The following CNTNAP5 variants were observed in gnomAD, a reference collection of about 807,000 sequenced individuals.
The protein encoded by CNTNAP5 is contactin associated protein family member 5.
Under a neutral mutation model 150.2 loss-of-function variants are expected in CNTNAP5, and 72 were observed. The observed-to-expected ratio is 0.48, with a 90% CI of 0.40 to 0.58. The LOEUF is 0.58. Among genes scored for constraint, CNTNAP5 ranks in the 20% least tolerant of loss-of-function variants. The probability of loss-of-function intolerance (pLI) is 0.00; values close to 1 mark genes in which losing one functional copy is unlikely to be tolerated. For missense variants in CNTNAP5, 1,636 were observed against 1,626.2 expected (o/e 1.01, Z -0.10); for synonymous variants, 672 against 619.8 (o/e 1.08, Z -1.25).
chr2:124,399,242 G>T (rs1159968216), intron 3 of CNTNAP5, among the ~76,000 whole-genome samples: 1 of 152,136 alleles, frequency 6.6e-6, no homozygotes, highest in East Asian at 1.9e-4. Context: ...GAGTGAAGAA[G>T]AGAGGAGGAG....
chr2:124,913,728 A>T (rs926596333), intron 23 of CNTNAP5, among the ~76,000 whole-genome samples: 18 of 152,096 alleles, frequency 1.2e-4, no homozygotes, highest in African/African-American at 4.3e-4. Flanking sequence ...TGACAAAAAA[A>T]TGGGCTAATT....
At chr2:124,804,534 T>G (rs1682041032) in intron 19 of CNTNAP5, among the ~76,000 whole-genome samples, 1 of 152,248 alleles carries the variant, frequency 6.6e-6, no homozygotes, top group East Asian at 1.9e-4. Context: ...TTAGGTTAAA[T>G]GAAATTATAA....
At chr2:124,396,327 G>A (rs932288116) in intron 3 of CNTNAP5, among the ~76,000 whole-genome samples, 20 of 152,130 alleles carry the variant, frequency 1.3e-4, no homozygotes, top group Non-Finnish European at 2.4e-4. Context: ...TTTATCCAGC[G>A]TTAATTCCCT....
At chr2:124,100,681 C>T (rs796428624) in intron 1 of CNTNAP5, among the ~76,000 whole-genome samples, 40 of 149,968 alleles carry the variant, frequency 2.7e-4, no homozygotes, top group African/African-American at 9.1e-4. Flanking sequence ...GCCTAGCCAA[C>T]ATAGCAAAGC....
intron 3 of CNTNAP5, among the ~76,000 whole-genome samples, chr2:124,332,017 CATAAAATTTTTATGATTCATCCTTT>C (rs1265369552): frequency 6.6e-6 from 1 of 151,936 alleles, no homozygotes; most frequent in East Asian, 1.9e-4. Context: ...ATTGATTACA[CATAAAATTTTTATGATTCATCCTTT>C]ATAAAATTTT....
chr2:124,526,926 A>T (rs1306548127), intron 9 of CNTNAP5, among the ~76,000 whole-genome samples: 2 of 152,208 alleles, frequency 1.3e-5, no homozygotes, highest in Non-Finnish European at 2.9e-5. Flanking sequence ...TCAAGACAGA[A>T]CCAAAATTCT....
At chr2:124,143,942 A>T (rs1038195240) in intron 1 of CNTNAP5, among the ~76,000 whole-genome samples, 1 of 148,672 alleles carries the variant, frequency 6.7e-6, no homozygotes, top group Admixed American at 6.7e-5. Context: ...ACTTCAGCAA[A>T]GTCTCAGGAT....
chr2:124,235,890 T>C (rs950355923), intron 2 of CNTNAP5, among the ~76,000 whole-genome samples: 1 of 152,126 alleles, frequency 6.6e-6, no homozygotes, highest in African/African-American at 2.4e-5. Context: ...CTTACAGGTG[T>C]TTATCATTTT....
chr2:124,341,507 T>A (rs1028575537), intron 3 of CNTNAP5, among the ~76,000 whole-genome samples: 14 of 152,144 alleles, frequency 9.2e-5, no homozygotes, highest in African/African-American at 3.4e-4. Flanking sequence ...TGGCAAAGAA[T>A]CTCATTAAAC....
chr2:124,088,040 AC>A (rs1290896897), intron 1 of CNTNAP5, among the ~76,000 whole-genome samples: 11 of 151,798 alleles, frequency 7.2e-5, no homozygotes, highest in Admixed American at 6.6e-4. Context: ...TTTTAGCCCC[AC>A]CCTCTTTCTT....
At chr2:124,540,874 C>G (rs1009344016) in intron 10 of CNTNAP5, among the ~76,000 whole-genome samples, 1 of 152,100 alleles carries the variant, frequency 6.6e-6, no homozygotes, top group Non-Finnish European at 1.5e-5. Context: ...TCCCAAATAC[C>G]ATGAGTGTCC....
chr2:124,677,812 A>G (rs1368799618), intron 13 of CNTNAP5, among the ~76,000 whole-genome samples: 1 of 151,812 alleles, frequency 6.6e-6, no homozygotes, highest in African/African-American at 2.4e-5. Context: ...CTAGACAGAA[A>G]AGTTCTCCAA....
intron 13 of CNTNAP5, among the ~76,000 whole-genome samples, chr2:124,745,460 G>C (rs1468224225): frequency 6.6e-6 from 1 of 152,034 alleles, no homozygotes; most frequent in Non-Finnish European, 1.5e-5. Context: ...ATGCTGTGAT[G>C]ACCCACCTAA....
At chr2:124,459,101 A>G (rs1012309618) in intron 6 of CNTNAP5, among the ~76,000 whole-genome samples, 1 of 152,246 alleles carries the variant, frequency 6.6e-6, no homozygotes, top group African/African-American at 2.4e-5. Flanking sequence ...TATGCTAGGT[A>G]TAATACAAGA....
At chr2:124,762,911 T>A (rs1680988829) in intron 14 of CNTNAP5, among the ~76,000 whole-genome samples, 2 of 152,024 alleles carry the variant, frequency 1.3e-5, no homozygotes, top group Admixed American at 1.3e-4. Context: ...TATCCCCTAG[T>A]TTATTTCTGC....
rs1696908961 is a variant in CNTNAP5 at position 124,599,002 on chromosome 2, TCA to T, written c.1757-10797_1757-10796del. Among the ~76,000 whole-genome samples the T allele has an allele frequency of 3.3e-5, 5 of 152,158 alleles. No homozygotes were observed. The South Asian group carries it at 1.0e-3, about 32-fold the overall frequency. On this transcript the variant is annotated intron_variant, in intron 11 of 23. Transcript: ENST00000682447. ...AGGCAATGCCTCGCCCTGCTTCGGCTCACGCACGGTGCGCACACCCACTGGCC... is the reference window on the plus strand; with the variant it reads ...AGGCAATGCCTCGCCCTGCTTCGGCTCGCACGGTGCGCACACCCACTGGCC...
intron 2 of CNTNAP5, among the ~76,000 whole-genome samples, chr2:124,241,715 C>A (rs1573860922): frequency 6.6e-6 from 1 of 151,994 alleles, no homozygotes; most frequent in African/African-American, 2.4e-5. Context: ...AATATCTTGA[C>A]CATGATAGGT....
Position 124,242,291 on chromosome 2 carries a change from G to A in CNTNAP5, c.279G>A (p.Thr93=), listed in dbSNP as rs779127795. 29 of 1,612,084 alleles carry A rather than the reference G, an allele frequency of 1.8e-5. No individual in the cohort carries two copies. The highest frequency in any genetic ancestry group is 1.8e-4 in the South Asian group (16 of 90,716). ...GAGTAGAGATTACAGCAGTGGCCACGCAGGGAAGATACGGAAGCTCTGACT... is the reference window on the plus strand; with the variant it reads ...GAGTAGAGATTACAGCAGTGGCCACACAGGGAAGATACGGAAGCTCTGACT... ...GNRVEITAVA[T]QGRYGSSDWV... is the part of the protein sequence containing the mutation. Residue 93 remains threonine (T), a synonymous_variant, in exon 3 of 24, where the codon ACG becomes ACA. Transcript: ENST00000682447.
In CNTNAP5 at chr2:124,831,269, G is replaced by A. The variant is rs116794225; in HGVS notation, c.3217+32949G>A. 4.7e-3 allele frequency among the ~76,000 whole-genome samples: 715 copies of A among 151,412 alleles called. 4 individuals carry two copies. Among genetic ancestry groups the A allele is most frequent in the Non-Finnish European group, 6.8e-3 (458 of 67,710 alleles). ...AATACCTTCTCTTTTTTAAATAACC[G>A]CTCATTTTACTTTAAGACAACAATT... On this transcript the variant is annotated intron_variant, in intron 19 of 23. Coordinates refer to ENST00000682447, the MANE Select transcript of CNTNAP5 (RefSeq NM_001367498.1).
Sources: allele counts gnomAD v4.1 joint callset (sites outside exome capture counted in the v4.1 genomes callset), GRCh38; gene constraint gnomAD v4.1.1; transcripts MANE v1.5; gene names NCBI Gene and HGNC (gene_info 2026-07-23, HGNC 2026-07-21).